Variants in CEP128 observed in about 807,000 individuals in gnomAD.
CEP128 encodes centrosomal protein 128.
Under a neutral mutation model 156.7 loss-of-function variants are expected in CEP128, and 132 were observed. That is an observed-to-expected ratio of 0.84 (90% CI 0.73 to 0.97). The LOEUF (loss-of-function observed/expected upper bound fraction) is 0.97. CEP128 is among the 50% of genes least tolerant of loss of function. The probability of loss-of-function intolerance (pLI) is 0.00; values close to 1 mark genes in which losing one functional copy is unlikely to be tolerated. For synonymous variants in CEP128, 469 were observed against 448.9 expected (o/e 1.04, Z -0.57); for missense variants, 1,252 against 1,281.9 (o/e 0.98, Z 0.36).
At chr14:80,775,702 T>C (rs1900750478) in intron 16 of CEP128, among the ~76,000 whole-genome samples, 1 of 152,230 alleles carries the variant, frequency 6.6e-6, no homozygotes, top group Non-Finnish European at 1.5e-5. Flanking sequence ...GCTCAATACA[T>C]AGCAATATTA....
chr14:80,754,233 T>C (rs1246242767), intron 18 of CEP128, among the ~76,000 whole-genome samples: 1 of 152,182 alleles, frequency 6.6e-6, no homozygotes, highest in Non-Finnish European at 1.5e-5. Flanking sequence ...TGCTAAATCA[T>C]TTGAGTGTTC....
intron 20 of CEP128, among the ~76,000 whole-genome samples, chr14:80,569,075 G>C (rs1411671427): frequency 6.6e-6 from 1 of 152,156 alleles, no homozygotes; most frequent in Non-Finnish European, 1.5e-5. Context: ...TTATGAAAAA[G>C]AGTTGGAAAG....
chr14:80,667,610 G>A (rs1000353401), intron 19 of CEP128, among the ~76,000 whole-genome samples: 3 of 152,092 alleles, frequency 2.0e-5, no homozygotes, highest in African/African-American at 7.2e-5. Context: ...TGTAATCCCA[G>A]CACTTTGGGA....
intron 19 of CEP128, among the ~76,000 whole-genome samples, chr14:80,598,652 C>T (rs145672678): frequency 6.6e-6 from 1 of 151,800 alleles, no homozygotes; most frequent in African/African-American, 2.4e-5. Flanking sequence ...AAAAGGAACT[C>T]GAATAAGTAA....
chr14:80,740,790 G>T (rs1479030674), intron 19 of CEP128, among the ~76,000 whole-genome samples: 1 of 152,066 alleles, frequency 6.6e-6, no homozygotes, highest in African/African-American at 2.4e-5. Flanking sequence ...TTCACCCTTA[G>T]ATGTGTCTTC....
intron 19 of CEP128, among the ~76,000 whole-genome samples, chr14:80,627,281 T>C (rs768312243): frequency 1.1e-4 from 16 of 152,226 alleles, no homozygotes; most frequent in South Asian, 2.1e-4. Flanking sequence ...ATCATCAAGA[T>C]TGAGCACAAC....
Position 80,526,985 on chromosome 14 carries a change from G to GAA in CEP128, c.2959-4_2959-3insTT. ...CTCTCAGATGAACTGCAGGAATCCT[G>GAA]GAAAAAAAAAAAAGCAAAGGGTCTG... On this transcript the variant is annotated splice_region_variant and splice_polypyrimidine_tract_variant and intron_variant, in intron 22 of 24. Transcript: ENST00000555265. The GAA allele has an allele frequency of 6.9e-6, 9 of 1,298,568 alleles. No individual in the cohort carries two copies. Among genetic ancestry groups the GAA allele is most frequent in the Admixed American group, 2.6e-5 (1 of 38,408 alleles). 80.4% of individuals were successfully genotyped at this position (1,298,568 alleles called of 1,614,324 possible).
intron 19 of CEP128, among the ~76,000 whole-genome samples, chr14:80,669,138 C>T (rs956912033): frequency 4.6e-5 from 7 of 152,110 alleles, no homozygotes; most frequent in East Asian, 1.9e-4. Flanking sequence ...TCTCAAATAA[C>T]TCATCTGTCT....
chr14:80,668,502 G>C (rs1471931476), intron 19 of CEP128, among the ~76,000 whole-genome samples: 1 of 152,038 alleles, frequency 6.6e-6, no homozygotes, highest in Non-Finnish European at 1.5e-5. Flanking sequence ...TTTGAATATA[G>C]AACAGAAAAG....
At chr14:80,489,859 A>G (rs566421697), downstream of CEP128, among the ~76,000 whole-genome samples, 140 of 151,056 alleles carry the variant, frequency 9.3e-4, no homozygotes, top group African/African-American at 3.3e-3. Flanking sequence ...GTAGGGATTC[A>G]GTATGTATTT....
At chr14:80,661,867 A>G (rs1301680152) in intron 19 of CEP128, among the ~76,000 whole-genome samples, 1 of 152,204 alleles carries the variant, frequency 6.6e-6, no homozygotes, top group African/African-American at 2.4e-5. Flanking sequence ...ATATGAATGC[A>G]AAGTGTCTTG....
At chr14:80,579,376 T>C (rs890366400) in intron 20 of CEP128, among the ~76,000 whole-genome samples, 2 of 152,030 alleles carry the variant, frequency 1.3e-5, no homozygotes, top group African/African-American at 4.8e-5. Context: ...GTTAAAATAA[T>C]CTAATCTGTA....
At chr14:80,904,376 A>C (rs920317491) in intron 6 of CEP128, among the ~76,000 whole-genome samples, 3 of 152,056 alleles carry the variant, frequency 2.0e-5, no homozygotes, top group Non-Finnish European at 4.4e-5. Flanking sequence ...GGAGTTGTTG[A>C]TCAAACAGTC....
In CEP128 at chr14:80,739,220, G is replaced by C. The variant is rs142746287; in HGVS notation, c.2806+3855C>G. 9.1e-4 allele frequency among the ~76,000 whole-genome samples: 138 copies of C among 151,238 alleles called. No individual in the cohort carries two copies. The Middle Eastern group carries it at 0.024, about 26-fold the overall frequency. ...TATGTATATGTTCATCCTTTTTTTT[G>C]AGCTTATATAACACAAAGATTAGAC... On this transcript the variant is annotated intron_variant, in intron 19 of 24. Transcript: ENST00000555265.
At chr14:80,872,698 C>T (rs1164662239) in intron 8 of CEP128, among the ~76,000 whole-genome samples, 1 of 152,186 alleles carries the variant, frequency 6.6e-6, no homozygotes, top group African/African-American at 2.4e-5. Context: ...GGGGAAACAG[C>T]TGCAGTCTCT....
chr14:80,791,632 G>A (rs1452286327), intron 14 of CEP128, among the ~76,000 whole-genome samples: 2 of 152,114 alleles, frequency 1.3e-5, no homozygotes. Flanking sequence ...CAATTTCCTG[G>A]GATCAGATCA....
rs561720833 is a variant in CEP128, at chr14:80,761,477, G to A, written c.2513C>T (p.Ala838Val). 1 of 1,611,290 alleles carries A rather than the reference G, an allele frequency of 6.2e-7. No individual in the cohort carries two copies. The highest frequency in any genetic ancestry group is 1.3e-5 in the African/African-American group (1 of 74,980). The change falls in exon 17 of 25, where the codon GCT (alanine) becomes GTT (valine). Residue 838 changes from alanine (A) to valine (V), a missense_variant. Ala to Val is a moderately conservative substitution (Grantham distance 64). Transcript: ENST00000555265. ...TGAGTCCTTGGAGAATGTTTTACAA[G>A]CTGCATCAATTTCCTTTCCTATCAC... Reference protein sequence around the residue: ...LGVIGKEIDAACKTFSKDSVE... With the variant: ...LGVIGKEIDAVCKTFSKDSVE...
chr14:80,871,820 G>A (rs1018001049), intron 8 of CEP128, among the ~76,000 whole-genome samples: 1 of 151,870 alleles, frequency 6.6e-6, no homozygotes, highest in African/African-American at 2.4e-5. Context: ...AAAATAACAA[G>A]AATAAAAATT....
intron 19 of CEP128, among the ~76,000 whole-genome samples, chr14:80,647,063 A>G (rs1188106873): frequency 0.014 from 943 of 67,648 alleles, 86 homozygotes; most frequent in East Asian, 0.053. Flanking sequence ...ATATATATAT[A>G]TATATATATA....
Sources: allele counts gnomAD v4.1 joint callset (sites outside exome capture counted in the v4.1 genomes callset), GRCh38; gene constraint gnomAD v4.1.1; transcripts MANE v1.5; gene names NCBI Gene and HGNC (gene_info 2026-07-23, HGNC 2026-07-21).